Variants in CNTNAP2 observed in about 807,000 individuals in gnomAD.
The protein encoded by CNTNAP2 is contactin-associated protein-like 2.
Under a neutral mutation model 155.2 loss-of-function variants are expected in CNTNAP2, and 98 were observed. The observed-to-expected ratio is 0.63, with a 90% CI of 0.54 to 0.75. The LOEUF (loss-of-function observed/expected upper bound fraction) is 0.75, where lower values mean the gene tolerates loss of function less well. Among genes scored for constraint, CNTNAP2 ranks in the 30% least tolerant of loss-of-function variants. The pLI, the probability that CNTNAP2 is intolerant of heterozygous loss-of-function variation, is 0.00. For missense variants in CNTNAP2, 1,727 were observed against 1,688.1 expected, an observed-to-expected ratio of 1.02 and a Z score of -0.40; for synonymous variants, 651 against 631.2, an observed-to-expected ratio of 1.03 and a Z score of -0.47.
chr7:146,145,195 G>A (rs1018477931), intron 1 of CNTNAP2, among the ~76,000 whole-genome samples: 4 of 152,236 alleles, frequency 2.6e-5, no homozygotes, highest in East Asian at 1.9e-4. Flanking sequence ...TCTATCCCCC[G>A]TGTCCATGAT....
At chr7:146,901,478 T>C (rs987868863) in intron 3 of CNTNAP2, among the ~76,000 whole-genome samples, 1 of 152,170 alleles carries the variant, frequency 6.6e-6, no homozygotes, top group Non-Finnish European at 1.5e-5. Context: ...TTGTCAATGT[T>C]CTAAATAATG....
chr7:147,544,550 G>T (rs984630454), intron 11 of CNTNAP2, among the ~76,000 whole-genome samples: 1 of 151,884 alleles, frequency 6.6e-6, no homozygotes, highest in Non-Finnish European at 1.5e-5. Flanking sequence ...AAAAAAAAAT[G>T]CAAGTCCTCT....
chr7:147,042,206 C>G (rs758324994), intron 3 of CNTNAP2, among the ~76,000 whole-genome samples: 2 of 152,130 alleles, frequency 1.3e-5, no homozygotes, highest in Non-Finnish European at 2.9e-5. Context: ...AGTGGTAGTA[C>G]GCAGCTCATT....
At chr7:146,503,674 C>T (rs781231438) in intron 1 of CNTNAP2, among the ~76,000 whole-genome samples, 1 of 152,170 alleles carries the variant, frequency 6.6e-6, no homozygotes, top group African/African-American at 2.4e-5. Flanking sequence ...TTTCCCATCA[C>T]CACTTATTGA....
intron 20 of CNTNAP2, among the ~76,000 whole-genome samples, chr7:148,233,000 C>T (rs1027760200): frequency 1.3e-5 from 2 of 152,194 alleles, no homozygotes; most frequent in African/African-American, 4.8e-5. Context: ...CAGACACCAG[C>T]GTGAACCAGA....
intron 15 of CNTNAP2, among the ~76,000 whole-genome samples, chr7:148,039,264 T>C (rs1347430004): frequency 6.6e-6 from 1 of 152,196 alleles, no homozygotes; most frequent in East Asian, 1.9e-4. Flanking sequence ...GGAGTTCTGA[T>C]GGCCAAGGAC....
intron 8 of CNTNAP2, among the ~76,000 whole-genome samples, chr7:147,276,224 AT>A (rs34167627): frequency 0.46 from 67,713 of 147,828 alleles, 15,556 homozygotes; most frequent in East Asian, 0.7. Flanking sequence ...CTCCTCCTTA[AT>A]TTTTTTTTTT....
intron 1 of CNTNAP2, among the ~76,000 whole-genome samples, chr7:146,286,450 C>G (rs570130839): frequency 6.6e-6 from 1 of 152,226 alleles, no homozygotes; most frequent in African/African-American, 2.4e-5. Flanking sequence ...GCAATAGAAA[C>G]TTCTGCAGAG....
intron 1 of CNTNAP2, among the ~76,000 whole-genome samples, chr7:146,400,747 G>A (rs1795702380): frequency 6.6e-6 from 1 of 152,150 alleles, no homozygotes; most frequent in Non-Finnish European, 1.5e-5. Flanking sequence ...TTGTGCTCTG[G>A]GAAACCTTAG....
chr7:146,822,324 C>T (rs920102020), intron 2 of CNTNAP2, among the ~76,000 whole-genome samples: 10 of 151,704 alleles, frequency 6.6e-5, no homozygotes, highest in South Asian at 2.1e-4. Flanking sequence ...CCTGTTGTGG[C>T]GTGGGGGCAG....
At chr7:147,965,516 G>A (rs1471452080) in intron 14 of CNTNAP2, among the ~76,000 whole-genome samples, 4 of 150,446 alleles carry the variant, frequency 2.7e-5, no homozygotes, top group African/African-American at 9.8e-5. Context: ...CCCGTCCACC[G>A]ATGATCTCCA....
chr7:146,675,281 C>T (rs1219279162), intron 1 of CNTNAP2, among the ~76,000 whole-genome samples: 1 of 152,112 alleles, frequency 6.6e-6, no homozygotes, highest in Non-Finnish European at 1.5e-5. Flanking sequence ...GTGACATACC[C>T]TCCTGTTTGG....
chr7:146,905,278 A>T (rs1388329920), intron 3 of CNTNAP2, among the ~76,000 whole-genome samples: 1 of 151,964 alleles, frequency 6.6e-6, no homozygotes, highest in African/African-American at 2.4e-5. Flanking sequence ...TTTCATCAGG[A>T]GTTTTATAAT....
intron 14 of CNTNAP2, among the ~76,000 whole-genome samples, chr7:147,939,126 C>G (rs1800668653): frequency 6.6e-6 from 1 of 151,970 alleles, no homozygotes; most frequent in Non-Finnish European, 1.5e-5. Flanking sequence ...ATAAAACATA[C>G]AATTTTGACA....
At chr7:147,027,027 G>GA (rs35010258) in intron 3 of CNTNAP2, among the ~76,000 whole-genome samples, 3,938 of 116,686 alleles carry the variant, frequency 0.034, 64 homozygotes, top group Middle Eastern at 0.06. Context: ...ACAAAAAAAA[G>GA]AAAAAAAAAA....
intron 11 of CNTNAP2, among the ~76,000 whole-genome samples, chr7:147,534,274 C>G (rs533556171): frequency 2.6e-4 from 40 of 152,296 alleles, no homozygotes; most frequent in Non-Finnish European, 5.3e-4. Flanking sequence ...AAAGAATTTT[C>G]CAGCCCAAAA....
chr7:146,502,798 A>G (rs912985399), intron 1 of CNTNAP2, among the ~76,000 whole-genome samples: 2 of 152,210 alleles, frequency 1.3e-5, no homozygotes, highest in Middle Eastern at 3.4e-3. Context: ...TATTTTTTGT[A>G]GAAATGAGGT....
At chr7:148,380,934 ATGTG>A (rs1287505509) in intron 21 of CNTNAP2, among the ~76,000 whole-genome samples, 4 of 152,132 alleles carry the variant, frequency 2.6e-5, no homozygotes, top group South Asian at 2.1e-4. Flanking sequence ...GGAAGCACGC[ATGTG>A]AATGAGGCAG....
intron 8 of CNTNAP2, among the ~76,000 whole-genome samples, chr7:147,277,621 C>T (rs894680733): frequency 6.6e-6 from 1 of 151,720 alleles, no homozygotes; most frequent in Non-Finnish European, 1.5e-5. Context: ...TGCACATATA[C>T]ATTATAAGCA....
Sources: gnomAD v4.1 joint callset for allele counts (sites outside exome capture counted in the v4.1 genomes callset) on GRCh38, gnomAD v4.1.1 for gene constraint, MANE v1.5 for transcripts, NCBI Gene and HGNC (gene_info 2026-07-23, HGNC 2026-07-21) for gene names.